The following EPB41L2 variants were observed in gnomAD, a reference collection of about 807,000 sequenced individuals.
The protein encoded by EPB41L2 is erythrocyte membrane protein band 4.1 like 2.
Under a neutral mutation model 113.0 loss-of-function variants are expected in EPB41L2, and 43 were observed. The ratio of observed to expected loss-of-function variants is 0.38; its 90% CI spans 0.30 to 0.49. The LOEUF (loss-of-function observed/expected upper bound fraction) is 0.49. Among genes scored for constraint, EPB41L2 ranks in the 20% least tolerant of loss-of-function variants. The pLI, the probability that EPB41L2 is intolerant of heterozygous loss-of-function variation, is 0.95. For missense variants in EPB41L2, 1,147 were observed against 1,223.4 expected, an observed-to-expected ratio of 0.94 and a Z score of 0.93; for synonymous variants, 442 against 436.7, an observed-to-expected ratio of 1.01 and a Z score of -0.15.
At chr6:130,891,680 C>T (rs979602459) in intron 10 of EPB41L2, among the ~76,000 whole-genome samples, 1 of 152,154 alleles carries the variant, frequency 6.6e-6, no homozygotes, top group Non-Finnish European at 1.5e-5. Context: ...AAACTCCTGA[C>T]CTTGTGATCC....
intron 18 of EPB41L2, among the ~76,000 whole-genome samples, chr6:130,862,483 G>A (rs1782447656): frequency 6.6e-6 from 1 of 152,148 alleles, no homozygotes; most frequent in Non-Finnish European, 1.5e-5. Context: ...CTGTTCCAGT[G>A]GATAGTAGAA....
At chr6:131,020,902 G>A (rs757000554) in intron 1 of EPB41L2, among the ~76,000 whole-genome samples, 21 of 152,030 alleles carry the variant, frequency 1.4e-4, no homozygotes, top group South Asian at 4.2e-4. Flanking sequence ...CGATCCTCCC[G>A]CCTCAGCCTC....
chr6:130,842,002 G>A (rs921668215), intron 19 of EPB41L2, among the ~76,000 whole-genome samples: 1 of 152,214 alleles, frequency 6.6e-6, no homozygotes, highest in African/African-American at 2.4e-5. Flanking sequence ...AACTTGGTTG[G>A]AAGTTTTGGC....
At chr6:130,886,976 A>G (rs1263889840) in intron 11 of EPB41L2, among the ~76,000 whole-genome samples, 3 of 152,146 alleles carry the variant, frequency 2.0e-5, no homozygotes, top group East Asian at 3.8e-4. Context: ...CAAGATCTAA[A>G]TAAGTTTCCC....
At chr6:130,889,673 G>A (rs1053968734) in intron 11 of EPB41L2, among the ~76,000 whole-genome samples, 8 of 152,126 alleles carry the variant, frequency 5.3e-5, no homozygotes, top group African/African-American at 1.9e-4. Flanking sequence ...GCTACCATAC[G>A]AAAAAATCCT....
chr6:130,926,166 T>G (rs1219877695), intron 4 of EPB41L2, among the ~76,000 whole-genome samples: 1 of 152,170 alleles, frequency 6.6e-6, no homozygotes, highest in Non-Finnish European at 1.5e-5. Context: ...CTTCCCTGCC[T>G]TTCAGGTATG....
At chr6:130,862,451 A>G (rs2128432286) in intron 18 of EPB41L2, among the ~76,000 whole-genome samples, 1 of 152,288 alleles carries the variant, frequency 6.6e-6, no homozygotes, top group South Asian at 2.1e-4. Flanking sequence ...GTTTACTCCA[A>G]TTTCTCAGGC....
chr6:130,881,197 G>A (rs1789199357), intron 12 of EPB41L2: 1 of 152,114 alleles, frequency 6.6e-6, no homozygotes, highest in Admixed American at 6.5e-5. Context: ...CCTTATCAAA[G>A]GCAAATCATT....
intron 1 of EPB41L2, among the ~76,000 whole-genome samples, chr6:131,059,540 CATAAT>C (rs10541221): frequency 0.26 from 39,749 of 151,966 alleles, 5,370 homozygotes; most frequent in East Asian, 0.43. Context: ...ATACAAATCT[CATAAT>C]ATCAAGTTGC....
At chr6:130,983,621 C>T (rs550694794) in intron 1 of EPB41L2, among the ~76,000 whole-genome samples, 11 of 151,818 alleles carry the variant, frequency 7.2e-5, no homozygotes, top group South Asian at 2.1e-4. Context: ...CTCAACTTCC[C>T]GGGCTCCAGT....
chr6:130,847,318 C>G (rs1023307140), intron 19 of EPB41L2, among the ~76,000 whole-genome samples: 1 of 152,172 alleles, frequency 6.6e-6, no homozygotes, highest in Admixed American at 6.6e-5. Context: ...CTTCCACAGC[C>G]CTTTATCTAG....
At chr6:130,958,130 C>T (rs973468983) in intron 1 of EPB41L2, among the ~76,000 whole-genome samples, 21 of 152,082 alleles carry the variant, frequency 1.4e-4, no homozygotes, top group African/African-American at 5.1e-4. Flanking sequence ...AATAAGCATA[C>T]ATTAAGTCAA....
chr6:131,056,181 T>C (rs1797548388), intron 1 of EPB41L2, among the ~76,000 whole-genome samples: 2 of 152,252 alleles, frequency 1.3e-5, no homozygotes, highest in Non-Finnish European at 2.9e-5. Flanking sequence ...CAAAGATTTA[T>C]AAAGGTTACA....
chr6:130,865,060 CA>C (rs1783285751), intron 17 of EPB41L2, among the ~76,000 whole-genome samples: 1 of 152,160 alleles, frequency 6.6e-6, no homozygotes, highest in South Asian at 2.1e-4. Context: ...ACTGGTTACC[CA>C]GTGCTAAACA....
chr6:130,845,432 C>T (rs1370190215), intron 19 of EPB41L2, among the ~76,000 whole-genome samples: 1 of 152,016 alleles, frequency 6.6e-6, no homozygotes, highest in Non-Finnish European at 1.5e-5. Flanking sequence ...GGCTGGGGTG[C>T]AGTGGTGCAA....
intron 1 of EPB41L2, among the ~76,000 whole-genome samples, chr6:131,004,742 G>A (rs1282290080): frequency 6.6e-6 from 1 of 152,068 alleles, no homozygotes; most frequent in Non-Finnish European, 1.5e-5. Flanking sequence ...CAGACTAGGG[G>A]TGAAGGGCTA....
At position 130,955,296 on chromosome 6, in the gene EPB41L2, CCTTA is replaced by C; in HGVS notation, c.510_513del (p.Ser170ArgfsTer7). The C allele has an allele frequency of 1.9e-6, 3 of 1,611,794 alleles. No individual in the cohort carries two copies. Among genetic ancestry groups the C allele is most frequent in the Non-Finnish European group, 2.5e-6 (3 of 1,179,810 alleles). ...GTTTCTTTTACCTTCTCTTCTCTCTCCTTACTTACTAATTCAGTAGGCTGTTGAG... is the reference window on the plus strand; with the variant it reads ...GTTTCTTTTACCTTCTCTTCTCTCTCCTTACTAATTCAGTAGGCTGTTGAG... On this transcript the variant is annotated frameshift_variant, in exon 3 of 20. Coordinates refer to ENST00000337057, the MANE Select transcript of EPB41L2 (RefSeq NM_001431.4). LOFTEE classifies it high-confidence loss of function.
chr6:130,958,490 C>CAAAAAAAAAAAAAAAAA (rs1818272011), intron 1 of EPB41L2, among the ~76,000 whole-genome samples: 1 of 121,316 alleles, frequency 8.2e-6, no homozygotes. Context: ...AAAAAAAAAG[C>CAAAAAAAAAAAAAAAAA]AAAGGACTTA....
chr6:130,906,682 T>C lies in EPB41L2; in HGVS notation c.853+2139A>G, dbSNP rs1013442881. Among the ~76,000 whole-genome samples, 8 of 152,308 alleles carry C rather than the reference T, an allele frequency of 5.3e-5. No individual in the cohort carries two copies. The East Asian group carries it at 9.6e-4, about 18-fold the overall frequency. On this transcript the variant is annotated intron_variant, in intron 5 of 19. Transcript: ENST00000337057. ...AGAATCATTAAGTTGTTGGTTGTCA[T>C]AGGTAGCTCAAAAAAGATTAATATT...
Sources: allele counts gnomAD v4.1 joint callset (sites outside exome capture counted in the v4.1 genomes callset), GRCh38; gene constraint gnomAD v4.1.1; transcripts MANE v1.5; gene names NCBI Gene and HGNC (gene_info 2026-07-23, HGNC 2026-07-21).